The following NLGN4X variants were observed in gnomAD, a reference collection of about 807,000 sequenced individuals.
NLGN4X encodes neuroligin-4, X-linked.
A neutral mutation model predicts 40.3 loss-of-function variants in NLGN4X; 3 were observed. The observed-to-expected ratio is 0.07, with a 90% confidence interval of 0.03 to 0.19. NLGN4X has a LOEUF of 0.19. Ranked by LOEUF, NLGN4X falls within the 10% of genes least tolerant of loss-of-function variation. NLGN4X has a pLI of 1.00. For synonymous variants in NLGN4X, 270 were observed against 306.8 expected (o/e 0.88, Z 1.25); for missense variants, 382 against 708.3 (o/e 0.54, Z 5.23).
At chrX:5,986,112 A>G (rs1022710405) in intron 3 of NLGN4X, among the ~76,000 whole-genome samples, 2 of 112,465 alleles carry the variant, frequency 1.8e-5, no homozygotes, top group Admixed American at 9.4e-5. Flanking sequence ...GGAAAACTAT[A>G]TAGAGTATGT....
chrX:6,022,349 C>T (rs1440791297), intron 3 of NLGN4X, among the ~76,000 whole-genome samples: 1 of 111,878 alleles, frequency 8.9e-6, no homozygotes, highest in Non-Finnish European at 1.9e-5. Flanking sequence ...GAACTTTTGA[C>T]TTGATACATA....
At chrX:6,035,685 C>G (rs993651841) in intron 2 of NLGN4X, among the ~76,000 whole-genome samples, 1 of 111,284 alleles carries the variant, frequency 9.0e-6, no homozygotes, top group South Asian at 3.9e-4. Flanking sequence ...CTGTGCAGAT[C>G]CACTTATATG....
chrX:6,096,946 C>CGT (rs35895741), intron 2 of NLGN4X, among the ~76,000 whole-genome samples: 2,355 of 100,527 alleles, frequency 0.023, 32 homozygotes, highest in Non-Finnish European at 0.033. Context: ...ATTTTCATAT[C>CGT]GTGTGTGTGT....
chrX:6,183,420 G>A (rs1035859357), intron 1 of NLGN4X, among the ~76,000 whole-genome samples: 5 of 111,011 alleles, frequency 4.5e-5, no homozygotes, highest in Middle Eastern at 4.7e-3. Flanking sequence ...GGTGGTGGGC[G>A]CCTGTAGTCC....
At chrX:6,195,210 A>T (rs1293299921) in intron 1 of NLGN4X, among the ~76,000 whole-genome samples, 1 of 111,961 alleles carries the variant, frequency 8.9e-6, no homozygotes, top group Non-Finnish European at 1.9e-5. Context: ...ACATATACTA[A>T]CTCTTAATTG....
chrX:5,917,635 AAAC>A (rs2032861583), intron 3 of NLGN4X, among the ~76,000 whole-genome samples: 1 of 112,240 alleles, frequency 8.9e-6, no homozygotes, highest in African/African-American at 3.2e-5. Context: ...AATGCACAAG[AAAC>A]AGCATTGCGC....
At chrX:6,191,862 T>C (rs1922572081) in intron 1 of NLGN4X, among the ~76,000 whole-genome samples, 1 of 109,777 alleles carries the variant, frequency 9.1e-6, no homozygotes, top group African/African-American at 3.3e-5. Flanking sequence ...CTATCTCAAA[T>C]AAAAAAAAAG....
intron 3 of NLGN4X, among the ~76,000 whole-genome samples, chrX:6,023,029 T>C (rs954181458): frequency 1.8e-5 from 2 of 111,913 alleles, no homozygotes; most frequent in Admixed American, 9.5e-5. Flanking sequence ...CAGAAGACCA[T>C]GACGCAATCT....
intron 1 of NLGN4X, among the ~76,000 whole-genome samples, chrX:6,221,221 G>A (rs1418162113): frequency 1.9e-5 from 2 of 106,086 alleles, no homozygotes; most frequent in Admixed American, 2.0e-4. Flanking sequence ...TGGAACCACA[G>A]GTACTTGCCA....
intron 1 of NLGN4X, among the ~76,000 whole-genome samples, chrX:6,153,465 AATT>A (rs2040204805): frequency 8.9e-6 from 1 of 112,304 alleles, no homozygotes; most frequent in African/African-American, 3.2e-5. Context: ...ATTTCTGAAT[AATT>A]AAGAGACAGA....
rs754296118 is a variant in NLGN4X at position 6,149,961 on chromosome X, T to TA, written c.472+1033dup. ...AAAATGTTTTCCAGGGATTGAAGTT[T>TA]AAAAAAAAAAAAAAAGAAGAAGAAG... On this transcript the variant is annotated intron_variant, in intron 2 of 5. Coordinates refer to ENST00000381095, the MANE Select transcript of NLGN4X (RefSeq NM_181332.3). Among the ~76,000 whole-genome samples the TA allele has an allele frequency of 9.2e-3, 898 of 97,193 alleles. 4 individuals carry two copies. Among genetic ancestry groups the TA allele is most frequent in the African/African-American group, 0.013 (355 of 26,941 alleles). 84.4% of individuals were successfully genotyped at this position (97,193 alleles called of 115,157 possible).
At chrX:5,908,528 AAAAC>A (rs1306183267) in intron 4 of NLGN4X, among the ~76,000 whole-genome samples, 2 of 111,843 alleles carry the variant, frequency 1.8e-5, no homozygotes, top group Non-Finnish European at 3.8e-5. Context: ...ATGGCAAAAA[AAAAC>A]AAAAGTGTCA....
intron 2 of NLGN4X, among the ~76,000 whole-genome samples, chrX:6,032,165 T>C (rs1481150769): frequency 1.0e-5 from 1 of 100,151 alleles, no homozygotes; most frequent in Admixed American, 1.1e-4. Context: ...TGTGAGCAGA[T>C]TATCAGAAAT....
chrX:5,916,027 T>C (rs1013767517), intron 3 of NLGN4X, among the ~76,000 whole-genome samples: 5 of 111,535 alleles, frequency 4.5e-5, no homozygotes, highest in Admixed American at 3.8e-4. Context: ...ACCTGCTCAT[T>C]TGGGTGCTAC....
chrX:6,061,500 A>C (rs964651207), intron 2 of NLGN4X: 2 of 111,731 alleles, frequency 1.8e-5, no homozygotes, highest in African/African-American at 6.5e-5. Context: ...ATTGATTCCA[A>C]TTTTATTGCT....
intron 2 of NLGN4X, among the ~76,000 whole-genome samples, chrX:6,069,254 C>T (rs2037999411): frequency 9.6e-6 from 1 of 104,305 alleles, no homozygotes. Flanking sequence ...CGCCACTGCA[C>T]TCTAGCCAGG....
At chrX:6,171,256 T>C (rs1347088501) in intron 1 of NLGN4X, among the ~76,000 whole-genome samples, 1 of 112,587 alleles carries the variant, frequency 8.9e-6, no homozygotes, top group Non-Finnish European at 1.9e-5. Flanking sequence ...ACATTTTCAT[T>C]TCATGCTTTT....
intron 3 of NLGN4X, among the ~76,000 whole-genome samples, chrX:6,022,858 G>A (rs1029119919): frequency 5.4e-5 from 6 of 111,695 alleles, no homozygotes; most frequent in African/African-American, 9.8e-5. Flanking sequence ...GGCTGAGCAC[G>A]TGCATATGGG....
intron 2 of NLGN4X, among the ~76,000 whole-genome samples, chrX:6,036,619 C>CAA (rs1413184229): frequency 9.3e-6 from 1 of 108,024 alleles, no homozygotes; most frequent in African/African-American, 3.4e-5. Context: ...CGCACACACA[C>CAA]ACACACACAC....
Sources: gnomAD v4.1 joint callset for allele counts (sites outside exome capture counted in the v4.1 genomes callset) on GRCh38, gnomAD v4.1.1 for gene constraint, MANE v1.5 for transcripts, NCBI Gene and HGNC (gene_info 2026-07-23, HGNC 2026-07-21) for gene names.